KIF15: variants seen among roughly 807,000 people sequenced by gnomAD.
KIF15 encodes the protein kinesin family member 15.
KIF15 carries 140 observed loss-of-function variants against 190.6 expected under a neutral mutation model. The ratio of observed to expected loss-of-function variants is 0.73; its 90% CI spans 0.64 to 0.84. KIF15 has a LOEUF of 0.84. Ranked by LOEUF, KIF15 falls within the 40% of genes least tolerant of loss-of-function variation. The pLI, the probability that KIF15 is intolerant of heterozygous loss-of-function variation, is 0.00. For synonymous variants in KIF15, 528 were observed against 551.3 expected (o/e 0.96, Z 0.59); for missense variants, 1,372 against 1,584.4 (o/e 0.87, Z 2.28).
intron 1 of KIF15, 44 bp from the exon 2 acceptor site, chr3:44,774,351 A>G (rs1365479784): frequency 1.3e-6 from 2 of 1,554,338 alleles, no homozygotes; most frequent in Non-Finnish European, 1.8e-6. Flanking sequence ...TAGGATTTCC[A>G]TATTACAATT....
intron 6 of KIF15, among the ~76,000 whole-genome samples, chr3:44,868,075 C>T (rs1208571427): frequency 2.0e-5 from 3 of 152,218 alleles, no homozygotes; most frequent in Non-Finnish European, 4.4e-5. Context: ...ATTTTTATCA[C>T]TCCAAAAGAA....
At chr3:44,821,181 C>T (rs1172201804) in intron 20 of KIF15, among the ~76,000 whole-genome samples, 11 of 148,510 alleles carry the variant, frequency 7.4e-5, no homozygotes, top group Admixed American at 7.3e-4. Flanking sequence ...CAGAGGGGCT[C>T]CTCACTTCCC....
At chr3:44,801,601 A>G in intron 12 of KIF15, 75 bp downstream of exon 12, 1 of 1,036,464 alleles carries the variant, frequency 9.6e-7, no homozygotes, top group Non-Finnish European at 1.5e-6. Context: ...TTGCCTTACT[A>G]AGTGAAATAA....
Position 44,851,896 on chromosome 3 carries a change from G to A in KIF15, c.3916G>A (p.Glu1306Lys), listed in dbSNP as rs749003858. The A allele has an allele frequency of 1.9e-6, 3 of 1,613,920 alleles. No individual in the cohort carries two copies. Among genetic ancestry groups the A allele is most frequent in the Non-Finnish European group, 2.5e-6 (3 of 1,179,930 alleles). Residue 1306 changes from glutamate (E) to lysine (K), a missense_variant, in exon 33 of 35, where the codon GAA becomes AAA. By Grantham distance (56) the Glu-to-Lys change is moderately conservative. Coordinates refer to ENST00000326047, the MANE Select transcript of KIF15 (RefSeq NM_020242.3). ...TLESKAFQEK[E>K]QLRSKLEEMY... ...GGAGTCTAAAGCATTCCAGGAAAAA[G>A]AACAACTGAGATCAAAGCTGGAAGA...
intron 32 of KIF15, 87 bp from the exon 33 acceptor site, chr3:44,851,700 G>A: frequency 9.7e-7 from 1 of 1,031,544 alleles, no homozygotes; most frequent in Non-Finnish European, 1.4e-6. Context: ...TCAAAATTCT[G>A]GCCTTGCAGT....
intron 6 of KIF15, among the ~76,000 whole-genome samples, chr3:44,786,166 A>C (rs1486612873): frequency 6.6e-6 from 1 of 152,218 alleles, no homozygotes; most frequent in East Asian, 1.9e-4. Context: ...CAGTGAGCCA[A>C]GATCGCGCCA....
intron 7 of KIF15, among the ~76,000 whole-genome samples, chr3:44,789,413 G>T (rs1706564401): frequency 6.6e-6 from 1 of 151,642 alleles, no homozygotes; most frequent in Non-Finnish European, 1.5e-5. Flanking sequence ...GAAGAATGTG[G>T]TCTTATGTGA....
intron 23 of KIF15, among the ~76,000 whole-genome samples, 155 bp downstream of exon 23, chr3:44,827,683 T>C (rs894947798): frequency 1.7e-4 from 26 of 152,126 alleles, no homozygotes; most frequent in Non-Finnish European, 2.8e-4. Flanking sequence ...TTTAATTTTA[T>C]TTTTTTCTTC....
At chr3:44,828,683 C>T (rs1050069429) in intron 24 of KIF15, among the ~76,000 whole-genome samples, 9 of 152,168 alleles carry the variant, frequency 5.9e-5, no homozygotes, top group African/African-American at 1.2e-4. Context: ...GTTTAAATTA[C>T]GTATAAAATT....
chr3:44,814,981 A>G lies in KIF15; in HGVS notation c.2454A>G (p.Lys818=). ...HSADKELSSV[K]LEYSSFKTNQ... is the part of the protein sequence containing the mutation. ...CTGACAAGGAGCTTTCTTCAGTGAA[A>G]TTGGAATATAGTTCATTCAAAACGA... Residue 818 remains lysine (K), a synonymous_variant, in exon 20 of 35, where the codon AAA becomes AAG. Transcript: ENST00000326047. 1 of 1,613,686 alleles carries G rather than the reference A, an allele frequency of 6.2e-7. No homozygotes were observed. The highest frequency in any genetic ancestry group is 8.5e-7 in the Non-Finnish European group (1 of 1,179,840).
chr3:44,768,715 C>T (rs1017149546), intron 1 of KIF15, among the ~76,000 whole-genome samples: 1 of 152,138 alleles, frequency 6.6e-6, no homozygotes, highest in Non-Finnish European at 1.5e-5. Flanking sequence ...CCAATCTTAA[C>T]TGCTTCCTGC....
At chr3:44,797,759 GA>G in intron 9 of KIF15, 74 bp from the exon 10 acceptor site, 1 of 1,603,862 alleles carries the variant, frequency 6.2e-7, no homozygotes, top group Non-Finnish European at 8.5e-7. Flanking sequence ...TTGGTGGCAA[GA>G]GTATACATTT....
In KIF15 at chr3:44,778,097, G is replaced by A; in HGVS notation, c.247-18G>A. ...TTTCATTTTTATGATATGTTAACATGTTTGGTTACATTTGTAGGAATCTGT... is the reference window on the plus strand; with the variant it reads ...TTTCATTTTTATGATATGTTAACATATTTGGTTACATTTGTAGGAATCTGT... On this transcript the variant is annotated intron_variant, in intron 3 of 34. Transcript: ENST00000326047. The A allele has an allele frequency of 6.2e-7, 1 of 1,601,458 alleles. No homozygotes were observed.
At chr3:44,810,280 C>T (rs1215530331) in intron 16 of KIF15, among the ~76,000 whole-genome samples, 2 of 152,042 alleles carry the variant, frequency 1.3e-5, no homozygotes, top group Non-Finnish European at 2.9e-5. Flanking sequence ...GAGACAGGGT[C>T]TCAGTCTGTC....
rs756892100 is a variant in KIF15, at chr3:44,794,219, G to A, written c.642G>A (p.Val214=). ...VVTSAAEAYQ[V]LSGGWRNRRV... ...TAATATGTTTTCCTTTTGCATAGGTGTTGTCTGGAGGATGGAGGAATAGAC... is the reference window on the plus strand; with the variant it reads ...TAATATGTTTTCCTTTTGCATAGGTATTGTCTGGAGGATGGAGGAATAGAC... Residue 214 remains valine, a splice_region_variant and synonymous_variant, in exon 8 of 35, where the codon GTG becomes GTA. Coordinates refer to ENST00000326047, the MANE Select transcript of KIF15 (RefSeq NM_020242.3). 6 of 1,612,396 alleles carry A rather than the reference G, an allele frequency of 3.7e-6. No individual in the cohort carries two copies. Among genetic ancestry groups the A allele is most frequent in the Non-Finnish European group, 5.1e-6 (6 of 1,179,168 alleles).
chr3:44,787,957 C>T (rs540970824), intron 7 of KIF15, among the ~76,000 whole-genome samples: 4 of 152,146 alleles, frequency 2.6e-5, no homozygotes, highest in Non-Finnish European at 4.4e-5. Context: ...TAGGTTCAAG[C>T]AATTCTCGTG....
At chr3:44,792,531 G>A (rs1394848091) in intron 7 of KIF15, among the ~76,000 whole-genome samples, 2 of 151,668 alleles carry the variant, frequency 1.3e-5, no homozygotes, top group Non-Finnish European at 2.9e-5. Context: ...GATTAATAGG[G>A]TTATAACAGC....
chr3:44,825,087 C>T (rs1178790859), intron 20 of KIF15, among the ~76,000 whole-genome samples: 4 of 152,184 alleles, frequency 2.6e-5, no homozygotes, highest in African/African-American at 9.7e-5. Flanking sequence ...ATACACTGAA[C>T]ACAATTTAAC....
intron 9 of KIF15, 28 bp from the exon 10 acceptor site, chr3:44,797,806 A>C (rs1385120400): frequency 6.2e-7 from 1 of 1,608,384 alleles, no homozygotes; most frequent in Non-Finnish European, 8.5e-7. Context: ...TTCTCACCGA[A>C]AATATGTTCA....
Sources: allele counts gnomAD v4.1 joint callset (sites outside exome capture counted in the v4.1 genomes callset), GRCh38; gene constraint gnomAD v4.1.1; transcripts MANE v1.5; gene names NCBI Gene and HGNC (gene_info 2026-07-23, HGNC 2026-07-21).